The following OARD1 variants were observed in gnomAD, a reference collection of about 807,000 sequenced individuals.
The protein encoded by OARD1 is ADP-ribose glycohydrolase OARD1.
A neutral mutation model predicts 19.7 loss-of-function variants in OARD1; 19 were observed. The observed-to-expected ratio is 0.96, with a 90% CI of 0.67 to 1.41. The LOEUF (loss-of-function observed/expected upper bound fraction) is 1.41, where lower values mean the gene tolerates loss of function less well. Ranked by LOEUF, OARD1 falls within the 40% of genes most tolerant of loss-of-function variation. The pLI is 0.00. For missense variants in OARD1, 190 were observed against 183.8 expected, an observed-to-expected ratio of 1.03 and a Z score of -0.20; for synonymous variants, 70 against 61.8, an observed-to-expected ratio of 1.13 and a Z score of -0.62.
chr6:41,096,707 A>C (rs1764365957), intron 1 of OARD1, among the ~76,000 whole-genome samples: 1 of 152,202 alleles, frequency 6.6e-6, no homozygotes, highest in East Asian at 1.9e-4. Flanking sequence ...GGAGTGTTGC[A>C]AAAAGCTTCC....
chr6:41,073,476 C>T (rs909913255), upstream of OARD1, among the ~76,000 whole-genome samples: 9 of 152,094 alleles, frequency 5.9e-5, no homozygotes, highest in African/African-American at 2.2e-4. Context: ...GCGATTTCCT[C>T]CTGGTCGTTC....
intron 1 of OARD1, chr6:41,092,852 A>G: frequency 6.6e-7 from 1 of 1,522,284 alleles, no homozygotes; most frequent in Non-Finnish European, 8.8e-7. Flanking sequence ...AGGAACCAAG[A>G]AACTGTTTCT....
intron 1 of OARD1, among the ~76,000 whole-genome samples, chr6:41,071,994 C>G (rs1348179554): frequency 6.6e-6 from 1 of 152,244 alleles, no homozygotes; most frequent in Non-Finnish European, 1.5e-5. Flanking sequence ...TTAGGACGGT[C>G]TCCTTTTCTC....
At chr6:41,081,081 A>T (rs1435664043) in intron 1 of OARD1, among the ~76,000 whole-genome samples, 2 of 152,238 alleles carry the variant, frequency 1.3e-5, no homozygotes, top group Non-Finnish European at 2.9e-5. Context: ...AGTCATATAG[A>T]GACCCCGTAT....
chr6:41,083,740 T>G (rs1763970043), intron 1 of OARD1, among the ~76,000 whole-genome samples: 1 of 152,218 alleles, frequency 6.6e-6, no homozygotes, highest in African/African-American at 2.4e-5. Context: ...AACCTTGCCA[T>G]TATGATTAAA....
At chr6:41,071,109 G>A in intron 3 of OARD1, 23 bp downstream of exon 3, 1 of 1,612,034 alleles carries the variant, frequency 6.2e-7, no homozygotes, top group Non-Finnish European at 8.5e-7. Flanking sequence ...GGGCAAACCA[G>A]GTAAGTGGTT....
At chr6:41,068,634 T>G (rs531496773) in intron 5 of OARD1, among the ~76,000 whole-genome samples, 43 of 152,268 alleles carry the variant, frequency 2.8e-4, no homozygotes, top group Non-Finnish European at 6.0e-4. Context: ...AAGGTAATTG[T>G]CCTGATTCAT....
rs532772797 is a variant in OARD1 at position 41,066,439 on chromosome 6, C to G, written c.*896G>C. On this transcript the variant is annotated 3_prime_UTR_variant, in exon 6 of 6. Transcript: ENST00000424266. ...ATGAGAATTTTTTGAGAGGAAGTGG[C>G]CTTTATTTTTTTAAAGAAGACTCAT... 2 of 151,942 alleles carry G rather than the reference C, an allele frequency of 1.3e-5. No individual in the cohort carries two copies. The highest frequency in any genetic ancestry group is 6.6e-5 in the Admixed American group (1 of 15,254). 9.4% of individuals were successfully genotyped at this position (151,942 alleles called of 1,614,324 possible). A position where few individuals can be genotyped will look rare whatever the true frequency, so the allele number is the denominator to read the frequency against.
chr6:41,069,830 G>A, intron 4 of OARD1: 1 of 546,526 alleles, frequency 1.8e-6, no homozygotes, highest in South Asian at 2.0e-5. Flanking sequence ...ACAGGCCTAT[G>A]GTACATGATA....
chr6:41,070,471 T>C (rs146805312), intron 3 of OARD1, among the ~76,000 whole-genome samples: 3 of 152,348 alleles, frequency 2.0e-5, no homozygotes, highest in African/African-American at 7.2e-5. Flanking sequence ...ACTTGCCAAA[T>C]GTGTATTTAC....
intron 1 of OARD1, chr6:41,080,747 C>A: frequency 7.5e-7 from 1 of 1,342,074 alleles, no homozygotes; most frequent in Non-Finnish European, 1.1e-6. Flanking sequence ...GTAAGGTGAT[C>A]TGTGTCTTGA....
At chr6:41,072,692 G>C (rs1291843894), upstream of OARD1, 1 of 152,606 alleles carries the variant, frequency 6.6e-6, no homozygotes, top group Non-Finnish European at 1.5e-5. Context: ...AAAGGGGTGG[G>C]CAGCTGGCAA....
intron 1 of OARD1, chr6:41,080,739 A>C (rs1006817317): frequency 8.8e-6 from 11 of 1,252,728 alleles, no homozygotes; most frequent in Non-Finnish European, 1.3e-5. Context: ...TCCAAGAGGT[A>C]AGGTGATCTG....
upstream of OARD1, among the ~76,000 whole-genome samples, chr6:41,074,587 AT>A (rs1209248970): frequency 2.6e-5 from 4 of 152,230 alleles, no homozygotes; most frequent in Non-Finnish European, 4.4e-5. Flanking sequence ...GAAGAAAAGC[AT>A]GTGCAGAGGA....
At chr6:41,070,262 G>T in intron 3 of OARD1, 128 bp from the exon 4 acceptor site, 1 of 643,594 alleles carries the variant, frequency 1.6e-6, no homozygotes. Context: ...GAAGGGAATA[G>T]GGAAGACCTA....
At chr6:41,073,644 C>T (rs1763618324), upstream of OARD1, among the ~76,000 whole-genome samples, 1 of 152,166 alleles carries the variant, frequency 6.6e-6, no homozygotes, top group Non-Finnish European at 1.5e-5. Context: ...GGGGAGGGTG[C>T]GCGCCGCGGC....
chr6:41,068,637 T>C (rs916995207), intron 5 of OARD1, among the ~76,000 whole-genome samples: 2 of 152,266 alleles, frequency 1.3e-5, no homozygotes, highest in African/African-American at 4.8e-5. Context: ...GTAATTGTCC[T>C]GATTCATTCA....
At chr6:41,072,163 AC>A (rs1027801585) in intron 1 of OARD1, 72 bp downstream of exon 1, 2 of 154,182 alleles carry the variant, frequency 1.3e-5, no homozygotes, top group African/African-American at 2.4e-5. Context: ...AGGAACGTTC[AC>A]CCCCCACTTT....
chr6:41,093,519 G>A lies in OARD1; in HGVS notation c.-42+4194C>T, dbSNP rs550779590. Among the ~76,000 whole-genome samples the A allele has an allele frequency of 2.4e-4, 36 of 151,444 alleles. No homozygotes were observed. The East Asian group carries it at 4.1e-3, about 17-fold the overall frequency. On this transcript the variant is annotated intron_variant, in intron 1 of 4. Coordinates refer to the OARD1 transcript ENST00000480585. ...TCAGTCTTGCTCTGTCATCCAGGCC[G>A]GAGTGCAGTGGCACAATCTCAGCTC...
Sources: allele counts gnomAD v4.1 joint callset (sites outside exome capture counted in the v4.1 genomes callset), GRCh38; gene constraint gnomAD v4.1.1; transcripts MANE v1.5; gene names NCBI Gene and HGNC (gene_info 2026-07-23, HGNC 2026-07-21).